Variants in DOCK8 observed in about 807,000 individuals in gnomAD.
The protein encoded by DOCK8 is dedicator of cytokinesis protein 8.
DOCK8 carries 141 observed loss-of-function variants against 245.6 expected under a neutral mutation model. The ratio of observed to expected loss-of-function variants is 0.57; its 90% CI spans 0.50 to 0.66. The LOEUF is 0.66. Among genes scored for constraint, DOCK8 ranks in the 30% least tolerant of loss-of-function variants. DOCK8 has a pLI of 0.00. For synonymous variants in DOCK8, 1,168 were observed against 970.2 expected (o/e 1.20, Z -3.79); for missense variants, 2,965 against 2,603.4 (o/e 1.14, Z -3.02).
At chr9:389,594 AG>A (rs2054096440) in intron 23 of DOCK8, among the ~76,000 whole-genome samples, 3 of 64,372 alleles carry the variant, frequency 4.7e-5, no homozygotes, top group African/African-American at 3.8e-4. Context: ...ACCCTGGACC[AG>A]CAGCAGCAGC....
intron 25 of DOCK8, among the ~76,000 whole-genome samples, chr9:397,142 G>A (rs573410483): frequency 2.0e-5 from 3 of 152,032 alleles, no homozygotes; most frequent in South Asian, 2.1e-4. Context: ...CCAGGGGTTC[G>A]AGACCTGCCT....
At chr9:311,833 T>C in intron 5 of DOCK8, 121 bp from the exon 6 acceptor site, 1 of 1,231,726 alleles carries the variant, frequency 8.1e-7, no homozygotes, top group Non-Finnish European at 1.2e-6. Flanking sequence ...TTCAGAAGAC[T>C]TGAGGCCTGG....
rs1288089482 is a variant in DOCK8, at chr9:229,029, C to T, written c.53+14000C>T. On this transcript the variant is annotated intron_variant, in intron 1 of 47. Transcript: ENST00000432829. ...CATTCTAAGAGAAGGAAGGTGGAAGCTGCAAGGCTTCTTGAGGCTTAAGTC... is the reference window on the plus strand; with the variant it reads ...CATTCTAAGAGAAGGAAGGTGGAAGTTGCAAGGCTTCTTGAGGCTTAAGTC... Among the ~76,000 whole-genome samples, 3 of 152,164 alleles carry T rather than the reference C, an allele frequency of 2.0e-5. No homozygotes were observed. In the East Asian group the frequency reaches 5.8e-4, roughly 29 times the overall value.
At chr9:248,563 T>C (rs906612761) in intron 1 of DOCK8, among the ~76,000 whole-genome samples, 4 of 104,616 alleles carry the variant, frequency 3.8e-5, no homozygotes, top group Middle Eastern at 5.3e-3. Context: ...CTCTCTCTCT[T>C]TCTTTCTTTC....
chr9:364,290 G>A (rs1536611), intron 14 of DOCK8, among the ~76,000 whole-genome samples: 42,004 of 152,010 alleles, frequency 0.28, 6,356 homozygotes, highest in African/African-American at 0.39. Flanking sequence ...ACTGAACAAC[G>A]TTTAGTGGCA....
intron 2 of DOCK8, among the ~76,000 whole-genome samples, chr9:278,102 T>G (rs1390159835): frequency 6.6e-6 from 1 of 152,230 alleles, no homozygotes; most frequent in Non-Finnish European, 1.5e-5. Flanking sequence ...TCTTGCAAAT[T>G]CACAATGGAA....
At chr9:299,096 A>G (rs921374261) in intron 4 of DOCK8, among the ~76,000 whole-genome samples, 3 of 152,140 alleles carry the variant, frequency 2.0e-5, no homozygotes, top group Non-Finnish European at 4.4e-5. Context: ...CGATAACTTA[A>G]TATTTGCATA....
At chr9:386,132 T>G (rs1447474683) in intron 22 of DOCK8, among the ~76,000 whole-genome samples, 199 bp from the exon 23 acceptor site, 1 of 152,232 alleles carries the variant, frequency 6.6e-6, no homozygotes, top group Non-Finnish European at 1.5e-5. Context: ...TTAACGGGTG[T>G]TGTCTCAAGA....
chr9:237,963 C>A (rs1398443666), intron 1 of DOCK8, among the ~76,000 whole-genome samples: 1 of 152,126 alleles, frequency 6.6e-6, no homozygotes, highest in Non-Finnish European at 1.5e-5. Context: ...TTCACTCCCA[C>A]TTGTGGAATA....
intron 9 of DOCK8, among the ~76,000 whole-genome samples, chr9:328,724 C>CA (rs2050870571): frequency 6.9e-6 from 1 of 145,730 alleles, no homozygotes. Flanking sequence ...TTTCATCCTC[C>CA]TTTTTTTTTT....
At chr9:370,061 C>A in intron 15 of DOCK8, 169 bp from the exon 16 acceptor site, 1 of 669,682 alleles carries the variant, frequency 1.5e-6, no homozygotes, top group Middle Eastern at 2.4e-4. Flanking sequence ...CGCCGACCTC[C>A]CAGAGTGCTG....
intron 43 of DOCK8, among the ~76,000 whole-genome samples, chr9:445,262 A>T (rs2057217398): frequency 6.6e-6 from 1 of 152,082 alleles, no homozygotes. Context: ...TAAAATTCCC[A>T]GGGTAGGTTG....
intron 7 of DOCK8, among the ~76,000 whole-genome samples, chr9:318,331 C>T (rs1048788567): frequency 1.3e-5 from 2 of 152,202 alleles, no homozygotes; most frequent in African/African-American, 4.8e-5. Flanking sequence ...GTCCCTTCAG[C>T]GGCCCCTGGT....
At chr9:332,313 A>T in intron 9 of DOCK8, 85 bp from the exon 10 acceptor site, 1 of 941,728 alleles carries the variant, frequency 1.1e-6, no homozygotes, top group Non-Finnish European at 1.7e-6. Flanking sequence ...AAATATTGTC[A>T]TAAAATGTAA....
chr9:243,690 A>T (rs925212800), intron 1 of DOCK8, among the ~76,000 whole-genome samples: 1 of 152,072 alleles, frequency 6.6e-6, no homozygotes, highest in African/African-American at 2.4e-5. Flanking sequence ...TGCAGCCTCA[A>T]GTGGTTCCAG....
chr9:242,446 T>A (rs75405959), intron 1 of DOCK8, among the ~76,000 whole-genome samples: 2,692 of 152,316 alleles, frequency 0.018, 82 homozygotes, highest in African/African-American at 0.061. Flanking sequence ...TGTCTTGTTA[T>A]GTTAAAGGAA....
At chr9:263,904 C>G (rs1158516791) in intron 1 of DOCK8, among the ~76,000 whole-genome samples, 2 of 152,198 alleles carry the variant, frequency 1.3e-5, no homozygotes, top group South Asian at 4.1e-4. Flanking sequence ...AGTAGTTCTA[C>G]TATGATGTGT....
intron 2 of DOCK8, among the ~76,000 whole-genome samples, chr9:274,113 G>T (rs2048249093): frequency 6.6e-6 from 1 of 152,156 alleles, no homozygotes; most frequent in Non-Finnish European, 1.5e-5. Context: ...CATTCGTTTG[G>T]TAAGTTTGCT....
At position 429,705 on chromosome 9, in the gene DOCK8, G is replaced by A; in HGVS notation, c.4477G>A (p.Gly1493Arg). ...ATLRALIAKF[G>R]DLLFEEEVEQ... Reference sequence around the variant, plus strand: ...TGGCCCTTTATGTCTCTCCTAGTTTGGAGACTTACTCTTTGAAGAGGAGGT... The same window carrying A: ...TGGCCCTTTATGTCTCTCCTAGTTTAGAGACTTACTCTTTGAAGAGGAGGT... The change falls in exon 36 of 48, where the codon GGA becomes AGA. Residue 1493 changes from glycine to arginine, a missense_variant. Transcript: ENST00000432829. 1 of 1,614,134 alleles carries A rather than the reference G, an allele frequency of 6.2e-7. No homozygotes were observed. Among genetic ancestry groups the A allele is most frequent in the Non-Finnish European group, 8.5e-7 (1 of 1,180,038 alleles).
Sources: allele counts gnomAD v4.1 joint callset (sites outside exome capture counted in the v4.1 genomes callset), GRCh38; gene constraint gnomAD v4.1.1; transcripts MANE v1.5; gene names NCBI Gene and HGNC (gene_info 2026-07-23, HGNC 2026-07-21).